Variants in MAF observed in about 807,000 individuals in gnomAD.
The protein encoded by MAF is transcription factor Maf.
In MAF, 10 loss-of-function variants were observed where a neutral mutation model predicts 22.0. The observed-to-expected ratio is 0.45, with a 90% CI of 0.28 to 0.77. MAF has a LOEUF of 0.77. Ranked by LOEUF, MAF falls within the 30% of genes least tolerant of loss-of-function variation. MAF has a pLI of 0.12. For synonymous variants in MAF, 337 were observed against 255.8 expected, an observed-to-expected ratio of 1.32 and a Z score of -3.03; for missense variants, 544 against 548.4, an observed-to-expected ratio of 0.99 and a Z score of 0.08.
chr16:79,442,395 A>T, the MAF span, among the ~76,000 whole-genome samples: 1 of 152,084 alleles, frequency 6.6e-6, no homozygotes, highest in African/African-American at 2.4e-5. Flanking sequence ...TTTTAGAAAC[A>T]GGCTCTCCCT....
chr16:79,598,315 C>T (rs985392128), intron 1 of MAF: 17 of 1,097,300 alleles, frequency 1.5e-5, no homozygotes, highest in Non-Finnish European at 1.8e-5. Context: ...AGAAAATGAA[C>T]ACCAGTTCAT....
At chr16:79,247,172 T>G in the MAF span, among the ~76,000 whole-genome samples, 1 of 152,250 alleles carries the variant, frequency 6.6e-6, no homozygotes, top group East Asian at 1.9e-4. Context: ...TAAAGTCAAG[T>G]CCTGCCTGGT....
At chr16:79,376,190 T>G in the MAF span, among the ~76,000 whole-genome samples, 43 of 152,318 alleles carry the variant, frequency 2.8e-4, no homozygotes, top group African/African-American at 9.9e-4. Flanking sequence ...TAATTTTAGT[T>G]TGATTAGTTT....
chr16:79,397,188 G>A, the MAF span, among the ~76,000 whole-genome samples: 1 of 152,208 alleles, frequency 6.6e-6, no homozygotes, highest in Admixed American at 6.5e-5. Context: ...CATTGCTTTG[G>A]TTTGAATCCT....
At chr16:79,554,083 C>A in the MAF span, among the ~76,000 whole-genome samples, 1 of 148,672 alleles carries the variant, frequency 6.7e-6, no homozygotes, top group Non-Finnish European at 1.5e-5. Context: ...AGTAAGACTG[C>A]CTCTCAAAAA....
the MAF span, among the ~76,000 whole-genome samples, chr16:79,208,277 C>T: frequency 6.6e-6 from 1 of 152,096 alleles, no homozygotes; most frequent in Non-Finnish European, 1.5e-5. Flanking sequence ...CCTGTGTCGT[C>T]AACAACCTAA....
At chr16:79,502,674 A>AATAAAT in the MAF span, among the ~76,000 whole-genome samples, 1,046 of 75,632 alleles carry the variant, frequency 0.014, 8 homozygotes, top group African/African-American at 0.026. Context: ...TCCAAAAATA[A>AATAAAT]ATAAATATAA....
chr16:79,599,498 C>G lies in MAF; in HGVS notation c.405G>C (p.Ala135=). 1 of 1,500,388 alleles carries G rather than the reference C, an allele frequency of 6.7e-7. No homozygotes were observed. Among genetic ancestry groups the G allele is most frequent in the South Asian group, 1.3e-5 (1 of 77,162 alleles). 92.9% of individuals were successfully genotyped at this position (1,500,388 alleles called of 1,614,324 possible). The change falls in exon 1 of 2, where the codon GCG becomes GCC. Residue 135 remains alanine, a synonymous_variant. Transcript: ENST00000326043. ...QGGFDGYARG[A]QQLAAAAGAG... ...CCCCGGCCGCCGCGGCCAGCTGCTG[C>G]GCCCCGCGCGCGTAGCCATCGAAGC...
In MAF at chr16:79,600,340, G is replaced by T. The variant is rs920081311; in HGVS notation, c.-438C>A. 5.0e-6 allele frequency: 1 copy of T among 199,530 alleles called. No individual in the cohort carries two copies. Among genetic ancestry groups the T allele is most frequent in the African/African-American group, 2.4e-5 (1 of 42,550 alleles). 12.4% of individuals were successfully genotyped at this position (199,530 alleles called of 1,614,324 possible). A position where few individuals can be genotyped will look rare whatever the true frequency, so the allele number is the denominator to read the frequency against. ...TGCATAAGGAAGGGCTCGCCTCGCC[G>T]GCCCGGGCTGCAGGCAGGGCGCGCG... is the stretch of plus-strand genomic sequence containing the variant. On this transcript the variant is annotated 5_prime_UTR_variant, in exon 1 of 2. Transcript: ENST00000326043.
chr16:79,431,810 G>A, the MAF span, among the ~76,000 whole-genome samples: 6 of 152,154 alleles, frequency 3.9e-5, no homozygotes, highest in South Asian at 2.1e-4. Flanking sequence ...AAGGGATCCT[G>A]AGAGGGAATC....
At chr16:79,571,639 T>G in the MAF span, among the ~76,000 whole-genome samples, 1 of 150,970 alleles carries the variant, frequency 6.6e-6, no homozygotes, top group Admixed American at 6.6e-5. Flanking sequence ...CTGCATCCTG[T>G]AGGCCAAACG....
the MAF span, among the ~76,000 whole-genome samples, chr16:79,227,846 G>A: frequency 0.013 from 1,920 of 152,222 alleles, 30 homozygotes; most frequent in Non-Finnish European, 0.018. Context: ...TAACTGTTGA[G>A]TGGAGAGAAA....
chr16:79,557,006 C>G, the MAF span, among the ~76,000 whole-genome samples: 3 of 149,716 alleles, frequency 2.0e-5, no homozygotes, highest in African/African-American at 5.0e-5. Context: ...AATCAAGAGA[C>G]AGGGGCTTGC....
the MAF span, among the ~76,000 whole-genome samples, chr16:79,332,285 A>AG: frequency 6.6e-6 from 1 of 152,132 alleles, no homozygotes; most frequent in East Asian, 1.9e-4. Flanking sequence ...ATTGTAAAAA[A>AG]TAAGCACAAT....
chr16:79,458,255 G>C, the MAF span, among the ~76,000 whole-genome samples: 1 of 151,658 alleles, frequency 6.6e-6, no homozygotes, highest in Non-Finnish European at 1.5e-5. Context: ...AGAGAGCCTG[G>C]GACACCTGAG....
chr16:79,468,656 T>C, the MAF span, among the ~76,000 whole-genome samples: 5 of 152,094 alleles, frequency 3.3e-5, no homozygotes, highest in Admixed American at 3.3e-4. Flanking sequence ...TGAGGGGCAG[T>C]CAGAGTCTGC....
chr16:79,367,189 CTCTT>C, the MAF span, among the ~76,000 whole-genome samples: 1 of 152,128 alleles, frequency 6.6e-6, no homozygotes, highest in South Asian at 2.1e-4. Flanking sequence ...GACAGTTCTC[CTCTT>C]TCTGTCAATT....
At chr16:79,417,068 G>A in the MAF span, among the ~76,000 whole-genome samples, 16 of 152,256 alleles carry the variant, frequency 1.1e-4, no homozygotes, top group East Asian at 2.9e-3. Flanking sequence ...ACTCACAGAC[G>A]GAAAGGGTAT....
the MAF span, among the ~76,000 whole-genome samples, chr16:79,268,788 G>A: frequency 7.2e-5 from 11 of 152,150 alleles, no homozygotes; most frequent in Admixed American, 3.9e-4. Context: ...CTGTGCTGCC[G>A]GCCACCTGGG....
Sources: allele counts gnomAD v4.1 joint callset (sites outside exome capture counted in the v4.1 genomes callset), GRCh38; gene constraint gnomAD v4.1.1; transcripts MANE v1.5; gene names NCBI Gene and HGNC (gene_info 2026-07-23, HGNC 2026-07-21).